Variants in CPNE8 observed in about 807,000 individuals in gnomAD.
The protein encoded by CPNE8 is copine 8.
Under a neutral mutation model 81.5 loss-of-function variants are expected in CPNE8, and 45 were observed. The observed-to-expected ratio is 0.55, with a 90% CI of 0.44 to 0.71. The LOEUF (loss-of-function observed/expected upper bound fraction) is 0.71. Ranked by LOEUF, CPNE8 falls within the 30% of genes least tolerant of loss-of-function variation. CPNE8 has a pLI of 0.00. For missense variants in CPNE8, 594 were observed against 672.1 expected (o/e 0.88, Z 1.28); for synonymous variants, 252 against 226.3 (o/e 1.11, Z -1.02).
intron 16 of CPNE8, among the ~76,000 whole-genome samples, chr12:38,682,597 ACAGATATCT>A (rs1183149718): frequency 1.3e-5 from 2 of 152,240 alleles, no homozygotes; most frequent in African/African-American, 4.8e-5. Flanking sequence ...ACAAATGGGT[ACAGATATCT>A]CAGTATATCC....
At chr12:38,839,537 A>C (rs764565410) in intron 5 of CPNE8, among the ~76,000 whole-genome samples, 9 of 151,984 alleles carry the variant, frequency 5.9e-5, no homozygotes, top group Non-Finnish European at 1.2e-4. Flanking sequence ...AAAAAAAAAC[A>C]GAATAACAAA....
intron 6 of CPNE8, among the ~76,000 whole-genome samples, chr12:38,807,978 T>G (rs1285831646): frequency 6.6e-6 from 1 of 152,046 alleles, no homozygotes; most frequent in Non-Finnish European, 1.5e-5. Flanking sequence ...AAGACATTTA[T>G]GCAGCCAAAA....
At chr12:38,722,638 A>C (rs1291773534) in intron 13 of CPNE8, among the ~76,000 whole-genome samples, 1 of 152,300 alleles carries the variant, frequency 6.6e-6, no homozygotes, top group East Asian at 1.9e-4. Flanking sequence ...AACACATTCA[A>C]ATTTGCTTCA....
At chr12:38,767,878 T>C (rs1018162007) in intron 7 of CPNE8, 140 bp from the exon 8 acceptor site, 2 of 485,640 alleles carry the variant, frequency 4.1e-6, no homozygotes, top group Non-Finnish European at 7.0e-6. Flanking sequence ...CCAGACAACA[T>C]AAAATTGCTT....
intron 6 of CPNE8, among the ~76,000 whole-genome samples, chr12:38,783,434 A>G (rs1407614405): frequency 6.6e-6 from 1 of 152,082 alleles, no homozygotes; most frequent in African/African-American, 2.4e-5. Flanking sequence ...TTGCAGCTAC[A>G]CTGTGGTGCT....
intron 19 of CPNE8, among the ~76,000 whole-genome samples, chr12:38,665,449 T>C (rs989141100): frequency 1.2e-4 from 19 of 152,118 alleles, no homozygotes; most frequent in Non-Finnish European, 2.2e-4. Context: ...CCCACAAGTG[T>C]AGGGAAAATG....
chr12:38,738,819 C>T (rs5011298), intron 10 of CPNE8, among the ~76,000 whole-genome samples: 100,218 of 141,202 alleles, frequency 0.71, 38,764 homozygotes, highest in Non-Finnish European at 0.89. Context: ...TTTTTTTTTT[C>T]TTTTTTTTTT....
intron 19 of CPNE8, among the ~76,000 whole-genome samples, chr12:38,665,406 G>A (rs1174549854): frequency 6.6e-6 from 1 of 152,120 alleles, no homozygotes; most frequent in African/African-American, 2.4e-5. Context: ...TAGGAAGTAT[G>A]GTATACTTGT....
intron 10 of CPNE8, among the ~76,000 whole-genome samples, chr12:38,745,877 G>A (rs1235457234): frequency 6.6e-6 from 1 of 152,100 alleles, no homozygotes; most frequent in African/African-American, 2.4e-5. Flanking sequence ...TGAGTTTCTA[G>A]CAATGGTCCT....
At chr12:38,714,174 C>T (rs1940330055) in intron 13 of CPNE8, among the ~76,000 whole-genome samples, 1 of 151,964 alleles carries the variant, frequency 6.6e-6, no homozygotes. Context: ...AGTATATATT[C>T]TACAAGTCTG....
intron 6 of CPNE8, among the ~76,000 whole-genome samples, chr12:38,798,572 C>G (rs1245651375): frequency 6.6e-6 from 1 of 151,900 alleles, no homozygotes; most frequent in Non-Finnish European, 1.5e-5. Flanking sequence ...AAAGAACAAC[C>G]GGTACCAGCC....
At chr12:38,669,492 C>T (rs1038650752) in intron 19 of CPNE8, among the ~76,000 whole-genome samples, 4 of 152,160 alleles carry the variant, frequency 2.6e-5, no homozygotes, top group African/African-American at 9.7e-5. Context: ...ATCTATAAAG[C>T]TTATCCAAGT....
At chr12:38,776,127 T>C (rs542797205) in intron 7 of CPNE8, 111 bp downstream of exon 7, 26 of 453,800 alleles carry the variant, frequency 5.7e-5, no homozygotes, top group Non-Finnish European at 9.8e-5. Context: ...GGTTATAAAA[T>C]TGTATAACAC....
At chr12:38,834,880 C>CTT (rs1170152007) in intron 5 of CPNE8, among the ~76,000 whole-genome samples, 5 of 143,526 alleles carry the variant, frequency 3.5e-5, no homozygotes, top group Non-Finnish European at 6.1e-5. Flanking sequence ...ACATTCCAAA[C>CTT]TTTTTTTTTT....
At position 38,690,318 on chromosome 12, in the gene CPNE8, T is replaced by C. The variant is rs1297318080; in HGVS notation, c.1143+3339A>G. On this transcript the variant is annotated intron_variant, in intron 15 of 19. Coordinates refer to ENST00000331366, the MANE Select transcript of CPNE8 (RefSeq NM_153634.3). ...TTAGGATGAGCTTAACACAGAATACTTCAGCAAGAATGAAATCAAATACTA... is the reference window on the plus strand; with the variant it reads ...TTAGGATGAGCTTAACACAGAATACCTCAGCAAGAATGAAATCAAATACTA... 2.0e-5 allele frequency among the ~76,000 whole-genome samples: 3 copies of C among 152,178 alleles called. No homozygotes were observed. In the East Asian group the frequency reaches 5.8e-4, roughly 29 times the overall value.
intron 10 of CPNE8, among the ~76,000 whole-genome samples, chr12:38,736,642 T>C (rs961186376): frequency 6.6e-6 from 1 of 152,030 alleles, no homozygotes; most frequent in African/African-American, 2.4e-5. Context: ...ACTTTTAAAA[T>C]ATAAACACCT....
intron 6 of CPNE8, among the ~76,000 whole-genome samples, chr12:38,783,607 G>A (rs1377915738): frequency 6.6e-6 from 1 of 152,174 alleles, no homozygotes; most frequent in Non-Finnish European, 1.5e-5. Context: ...CACAGTCCTA[G>A]TGATGATAGC....
intron 10 of CPNE8, among the ~76,000 whole-genome samples, chr12:38,731,018 A>G (rs1478719005): frequency 6.6e-6 from 1 of 151,874 alleles, no homozygotes; most frequent in Non-Finnish European, 1.5e-5. Flanking sequence ...AAAAGCTTTC[A>G]TCAACTGAGG....
upstream of CPNE8, chr12:38,905,886 G>A (rs898727226): frequency 4.1e-6 from 4 of 985,282 alleles, no homozygotes; most frequent in Non-Finnish European, 4.8e-6. Context: ...GCCTGATGGA[G>A]AAGGTGGCAC....
Sources: allele counts gnomAD v4.1 joint callset (sites outside exome capture counted in the v4.1 genomes callset), GRCh38; gene constraint gnomAD v4.1.1; transcripts MANE v1.5; gene names NCBI Gene and HGNC (gene_info 2026-07-23, HGNC 2026-07-21).